SERAC1: variants seen among roughly 807,000 people sequenced by gnomAD.
SERAC1 encodes serine active site containing 1.
In SERAC1, 36 loss-of-function variants were observed where a neutral mutation model predicts 85.7. The ratio of observed to expected loss-of-function variants is 0.42; its 90% CI spans 0.32 to 0.55. The LOEUF (loss-of-function observed/expected upper bound fraction) is 0.55, where lower values mean the gene tolerates loss of function less well. SERAC1 is among the 20% of genes least tolerant of loss of function. The pLI is 0.11. For missense variants in SERAC1, 629 were observed against 796.2 expected, an observed-to-expected ratio of 0.79 and a Z score of 2.53; for synonymous variants, 242 against 265.3, an observed-to-expected ratio of 0.91 and a Z score of 0.85.
In SERAC1 at chr6:158,117,862, TCAC is replaced by T; in HGVS notation, c.1309-44_1309-42del. On this transcript the variant is annotated intron_variant, in intron 12 of 16. Transcript: ENST00000647468. The surrounding 1 kb of genome is among the most constrained non-coding windows in gnomAD (Gnocchi z 4.3). ...CATATGTGAGAACAAGTATGAATCT[TCAC>T]CACTGCAATTACTGCCTAGTAAATC... 1 of 1,493,426 alleles carries T rather than the reference TCAC, an allele frequency of 6.7e-7. No homozygotes were observed. The highest frequency in any genetic ancestry group is 1.2e-5 in the South Asian group (1 of 86,954). 92.5% of individuals were successfully genotyped at this position (1,493,426 alleles called of 1,614,324 possible). A position where few individuals can be genotyped will look rare whatever the true frequency, so the allele number is the denominator to read the frequency against.
chr6:158,149,277 C>T (rs951539514), intron 4 of SERAC1, among the ~76,000 whole-genome samples: 3 of 152,234 alleles, frequency 2.0e-5, no homozygotes, highest in Admixed American at 6.5e-5. Context: ...CAGGCGTGAG[C>T]CATCACACCC....
At chr6:158,129,675 A>C (rs1213023257) in intron 9 of SERAC1, among the ~76,000 whole-genome samples, 1 of 150,558 alleles carries the variant, frequency 6.6e-6, no homozygotes, top group African/African-American at 2.4e-5. Flanking sequence ...ATAGTCATCT[A>C]ATATTTCCTT....
intron 9 of SERAC1, among the ~76,000 whole-genome samples, chr6:158,128,540 A>T (rs1784599226): frequency 6.6e-6 from 1 of 152,232 alleles, no homozygotes; most frequent in Admixed American, 6.5e-5. Flanking sequence ...TCTTGGTTGG[A>T]TGTAACCTGA....
At position 158,110,004 on chromosome 6, in the gene SERAC1, A is replaced by T. The variant is rs1784104704; in HGVS notation, c.*1362T>A. 6.6e-6 allele frequency: 1 copy of T among 152,222 alleles called. No homozygotes were observed. Among genetic ancestry groups the T allele is most frequent in the South Asian group, 2.1e-4 (1 of 4,832 alleles). The allele number at this position is 152,222 out of a possible 1,614,324, so 9.4% of individuals were successfully genotyped here. A position where few individuals can be genotyped will look rare whatever the true frequency, so the allele number is the denominator to read the frequency against. On this transcript the variant is annotated 3_prime_UTR_variant, in exon 17 of 17. Coordinates refer to ENST00000647468, the MANE Select transcript of SERAC1 (RefSeq NM_032861.4). ...CTTGGGAAAGCAGAGGTGGGAACTGACTGCTCATGGGTATGGGGTTCTTTT... is the reference window on the plus strand; with the variant it reads ...CTTGGGAAAGCAGAGGTGGGAACTGTCTGCTCATGGGTATGGGGTTCTTTT...
chr6:158,114,702 A>AATACATTCAAGGAATATAAAATGAGAT, intron 15 of SERAC1, 87 bp downstream of exon 15: 1 of 1,591,362 alleles, frequency 6.3e-7, no homozygotes, highest in Non-Finnish European at 8.6e-7. Context: ...AAAATGAGAT[A>AATACATTCAAGGAATATAAAATGAGAT]ATACATTCAA....
intron 10 of SERAC1, among the ~76,000 whole-genome samples, chr6:158,122,711 T>TG (rs1196419202): frequency 6.6e-6 from 1 of 151,944 alleles, no homozygotes; most frequent in Non-Finnish European, 1.5e-5. Flanking sequence ...ACCCGGGAGG[T>TG]GGAGGTTGCA....
In SERAC1 at chr6:158,150,623, G is replaced by C. The variant is rs6929520; in HGVS notation, c.129-34C>G. On this transcript the variant is annotated intron_variant, in intron 3 of 16. Transcript: ENST00000647468. ...GAAAAGAAAAAATGCATCATAAATA[G>C]ACAATCAAAATGTAACACAAGAGCT... 1,007,149 of 1,428,306 alleles carry C rather than the reference G, an allele frequency of 0.71. 356,761 individuals carry two copies. Among genetic ancestry groups the C allele is most frequent in the Admixed American group, 0.83 (45,568 of 54,896 alleles). The allele number at this position is 1,428,306 out of a possible 1,614,324, so 88.5% of individuals were successfully genotyped here.
rs148861818 is a variant in SERAC1, at chr6:158,146,857, G to A, written c.412C>T (p.Arg138Trp). Reference protein sequence around the residue: ...DHECAVWLLLRKSKSDDKTTR... With the variant: ...DHECAVWLLLWKSKSDDKTTR... The stretch of plus-strand genomic sequence containing the variant: ...GTTTTGTCATCTGACTTGCTCTTCC[G>A]TAGGAGCAGCCACACAGCACACTCA... The change falls in exon 6 of 17, where the codon CGG becomes TGG. Residue 138 changes from arginine (R) to tryptophan (W), a missense_variant. Coordinates refer to ENST00000647468, the MANE Select transcript of SERAC1 (RefSeq NM_032861.4). 47 of 1,613,688 alleles carry A rather than the reference G, an allele frequency of 2.9e-5. No homozygotes were observed. In the East Asian group the frequency reaches 4.0e-4, roughly 14 times the overall value.
intron 15 of SERAC1, 62 bp downstream of exon 15, chr6:158,114,723 TTTTC>T (rs764728034): frequency 1.9e-5 from 12 of 621,076 alleles, no homozygotes; most frequent in Non-Finnish European, 2.3e-5. Flanking sequence ...GGAAGAAACT[TTTTC>T]TTCTTCTCTG....
chr6:158,154,979 A>G (rs9356406), intron 3 of SERAC1, among the ~76,000 whole-genome samples: 46,925 of 148,354 alleles, frequency 0.32, 7,548 homozygotes, highest in Admixed American at 0.45. Flanking sequence ...GTGAGTGCCC[A>G]ATTTAAGCCT....
At position 158,126,267 on chromosome 6, in the gene SERAC1, T is replaced by C. The variant is rs1473118081; in HGVS notation, c.1015+1841A>G. On this transcript the variant is annotated intron_variant, in intron 10 of 16. Transcript: ENST00000647468. ...TCATTCTCCACTAAAAGTATAGAGGTTTCTTCAGAGAAATGAACCTAAAAT... is the reference window on the plus strand; with the variant it reads ...TCATTCTCCACTAAAAGTATAGAGGCTTCTTCAGAGAAATGAACCTAAAAT... Among the ~76,000 whole-genome samples the C allele has an allele frequency of 2.0e-5, 3 of 151,978 alleles. No homozygotes were observed. In the East Asian group the frequency reaches 5.8e-4, roughly 29 times the overall value.
chr6:158,155,103 G>A (rs1785298427), intron 3 of SERAC1, among the ~76,000 whole-genome samples: 1 of 152,208 alleles, frequency 6.6e-6, no homozygotes, highest in Non-Finnish European at 1.5e-5. Flanking sequence ...AGAGTTCCTA[G>A]TACACATTTG....
At chr6:158,114,688 T>TTATAAATTGAGATAATACATTCAAGGAA in intron 15 of SERAC1, 101 bp downstream of exon 15, 1 of 1,434,952 alleles carries the variant, frequency 7.0e-7, no homozygotes, top group Non-Finnish European at 9.5e-7. Flanking sequence ...TATATACAAA[T>TTATAAATTGAGATAATACATTCAAGGAA]TATAAAATGA....
rs753071883 is a variant in SERAC1 at position 158,158,266 on chromosome 6, T to C, written c.91+7A>G. The C allele has an allele frequency of 6.3e-7, 1 of 1,580,240 alleles. No homozygotes were observed. Among genetic ancestry groups the C allele is most frequent in the Non-Finnish European group, 8.7e-7 (1 of 1,149,572 alleles). ...AAGAAAATAAGAGTTGTTTAAGCTG[T>C]ACTCACTGATATCTCTCCAGTGTGT... is the stretch of plus-strand genomic sequence containing the variant. On this transcript the variant is annotated splice_region_variant and intron_variant, in intron 2 of 16. Transcript: ENST00000647468.
chr6:158,132,639 T>C (rs939543044), intron 8 of SERAC1, among the ~76,000 whole-genome samples: 8 of 152,344 alleles, frequency 5.3e-5, no homozygotes, highest in Middle Eastern at 3.4e-3. Flanking sequence ...TCTAGGACTT[T>C]CATTTGTCTT....
Position 158,147,023 on chromosome 6 carries a change from T to G in SERAC1, c.356-110A>C, listed in dbSNP as rs575265196. On this transcript the variant is annotated intron_variant, in intron 5 of 16. Transcript: ENST00000647468. ...TGAAATCTACAATTGGAGAGTTAAA[T>G]CCATATATATAGGTATTGATAAAAA... 10 of 1,062,012 alleles carry G rather than the reference T, an allele frequency of 9.4e-6. No homozygotes were observed. The East Asian group carries it at 2.0e-4, about 21-fold the overall frequency. The allele number at this position is 1,062,012 out of a possible 1,614,324, so 65.8% of individuals were successfully genotyped here.
In SERAC1 at chr6:158,120,025, C is replaced by G. The variant is rs1784382847; in HGVS notation, c.1166+400G>C. Among the ~76,000 whole-genome samples, 1 of 152,168 alleles carries G rather than the reference C, an allele frequency of 6.6e-6. No homozygotes were observed. Among genetic ancestry groups the G allele is most frequent in the Admixed American group, 6.5e-5 (1 of 15,270 alleles). ...CAGTCCCTTGAGTTCTAGGCCCAGG[C>G]TAATTTGGTTGCCACATAAGACAAT... On this transcript the variant is annotated intron_variant, in intron 11 of 16. Transcript: ENST00000647468. This position sits in a 1 kb window ranked among gnomAD's most constrained non-coding sequence, Gnocchi z 4.4.
At chr6:158,145,901 T>C (rs758001044) in intron 6 of SERAC1, 9 of 152,220 alleles carry the variant, frequency 5.9e-5, no homozygotes, top group Non-Finnish European at 1.3e-4. Flanking sequence ...CCATGTACTA[T>C]AACCAGAGAA....
At chr6:158,132,761 A>G (rs1386752992) in intron 8 of SERAC1, among the ~76,000 whole-genome samples, 1 of 152,228 alleles carries the variant, frequency 6.6e-6, no homozygotes, top group African/African-American at 2.4e-5. Context: ...TACAAGCAAA[A>G]AGGAATGAAT....
Sources: allele counts gnomAD v4.1 joint callset (sites outside exome capture counted in the v4.1 genomes callset), GRCh38; gene constraint gnomAD v4.1.1; non-coding constraint Gnocchi (gnomAD v3.1); transcripts MANE v1.5; gene names NCBI Gene and HGNC (gene_info 2026-07-23, HGNC 2026-07-21).